Variants in RBFOX1 observed in about 807,000 individuals in gnomAD.
RBFOX1 encodes RNA binding protein fox-1 homolog 1.
RBFOX1 carries 8 observed loss-of-function variants against 57.7 expected under a neutral mutation model. The observed-to-expected ratio is 0.14, with a 90% CI of 0.08 to 0.25. The LOEUF (loss-of-function observed/expected upper bound fraction) is 0.25. RBFOX1 is among the 10% of genes least tolerant of loss of function. The probability of loss-of-function intolerance (pLI) is 1.00; values close to 1 mark genes in which losing one functional copy is unlikely to be tolerated. For missense variants in RBFOX1, 611 were observed against 548.5 expected, an observed-to-expected ratio of 1.11 and a Z score of -1.14; for synonymous variants, 326 against 222.4, an observed-to-expected ratio of 1.47 and a Z score of -4.15.
Position 6,652,907 on chromosome 16 carries a change from T to C in RBFOX1, c.-63-1696T>C, listed in dbSNP as rs368010524. 1.8e-4 allele frequency among the ~76,000 whole-genome samples: 28 copies of C among 152,344 alleles called. No individual in the cohort carries two copies. In the Middle Eastern group the frequency reaches 0.01, roughly 56 times the overall value. On this transcript the variant is annotated intron_variant, in intron 2 of 15. Transcript: ENST00000550418. ...TACCATGGTAAAATTGTTAATGATA[T>C]TGTATTTTATCACAATAAGGTAATA...
At chr16:5,522,419 A>G (rs1251580004) in intron 2 of RBFOX1, among the ~76,000 whole-genome samples, 1 of 152,236 alleles carries the variant, frequency 6.6e-6, no homozygotes, top group Non-Finnish European at 1.5e-5. Context: ...TAACTGATAC[A>G]TAGTATTTGC....
chr16:5,453,681 C>G (rs960787345), intron 1 of RBFOX1, among the ~76,000 whole-genome samples: 1 of 152,162 alleles, frequency 6.6e-6, no homozygotes, highest in Non-Finnish European at 1.5e-5. Flanking sequence ...AGCACAGCAC[C>G]TCATCAGGTA....
chr16:6,876,250 C>G (rs2061826292), intron 3 of RBFOX1, among the ~76,000 whole-genome samples: 1 of 152,048 alleles, frequency 6.6e-6, no homozygotes, highest in African/African-American at 2.4e-5. Flanking sequence ...TTCCTGACAT[C>G]CAGTCTTTCT....
At chr16:5,444,206 T>C (rs1224938351) in intron 1 of RBFOX1, among the ~76,000 whole-genome samples, 1 of 152,226 alleles carries the variant, frequency 6.6e-6, no homozygotes, top group Admixed American at 6.5e-5. Flanking sequence ...ATGCTTTTAG[T>C]TGGCAGCAGA....
At chr16:7,662,294 T>C (rs1472636368) in intron 12 of RBFOX1, among the ~76,000 whole-genome samples, 1 of 152,240 alleles carries the variant, frequency 6.6e-6, no homozygotes, top group Non-Finnish European at 1.5e-5. Flanking sequence ...GTCTAGTCTC[T>C]TGCCCTGGTC....
intron 1 of RBFOX1, among the ~76,000 whole-genome samples, chr16:5,319,156 A>C (rs1454091475): frequency 6.6e-6 from 1 of 151,964 alleles, no homozygotes; most frequent in East Asian, 1.9e-4. Flanking sequence ...CAAACAAAAA[A>C]ACATAAAAAA....
chr16:7,102,485 A>C (rs955396914), intron 4 of RBFOX1, among the ~76,000 whole-genome samples: 1 of 152,208 alleles, frequency 6.6e-6, no homozygotes, highest in Non-Finnish European at 1.5e-5. Context: ...CATGAGATTT[A>C]ATAGAGACCA....
chr16:7,539,725 T>C (rs1313898054), intron 5 of RBFOX1, among the ~76,000 whole-genome samples: 1 of 152,168 alleles, frequency 6.6e-6, no homozygotes, highest in Non-Finnish European at 1.5e-5. Flanking sequence ...GGCGACCAAG[T>C]GCATGATAGC....
intron 4 of RBFOX1, among the ~76,000 whole-genome samples, chr16:7,314,881 A>C (rs7189934): frequency 6.6e-5 from 10 of 152,220 alleles, no homozygotes; most frequent in Admixed American, 4.6e-4. Context: ...AAAAGAATGC[A>C]GCTTCGTTTT....
intron 2 of RBFOX1, among the ~76,000 whole-genome samples, chr16:5,515,767 C>G (rs556173780): frequency 6.6e-6 from 1 of 152,276 alleles, no homozygotes; most frequent in Admixed American, 6.5e-5. Flanking sequence ...AGACTTGCTG[C>G]CTCTTGAAAA....
intron 14 of RBFOX1, among the ~76,000 whole-genome samples, chr16:7,679,525 CTT>C (rs1290157140): frequency 2.6e-5 from 4 of 152,192 alleles, no homozygotes; most frequent in Admixed American, 1.3e-4. Context: ...CAGCAACAAA[CTT>C]TCCCTGTAAT....
At chr16:6,217,104 C>T (rs181752061) in intron 1 of RBFOX1, among the ~76,000 whole-genome samples, 4 of 151,542 alleles carry the variant, frequency 2.6e-5, no homozygotes, top group East Asian at 3.9e-4. Context: ...TGGCTAAAAA[C>T]GTCTCTTTGC....
chr16:5,943,695 G>A (rs940869287), intron 4 of RBFOX1, among the ~76,000 whole-genome samples: 3 of 152,198 alleles, frequency 2.0e-5, no homozygotes, highest in Non-Finnish European at 4.4e-5. Flanking sequence ...GAAGGAGGTT[G>A]ATCTGAAGAG....
At chr16:5,301,909 G>C (rs61632766) in intron 1 of RBFOX1, among the ~76,000 whole-genome samples, 93,096 of 151,926 alleles carry the variant, frequency 0.61, 29,586 homozygotes, top group South Asian at 0.73. Context: ...ACCAGCTTTT[G>C]TTGATTTTCC....
At chr16:7,435,300 C>G (rs894068797) in intron 4 of RBFOX1, among the ~76,000 whole-genome samples, 3 of 151,936 alleles carry the variant, frequency 2.0e-5, no homozygotes, top group African/African-American at 4.8e-5. Flanking sequence ...AGGAGTTTGT[C>G]TGATGGTGAG....
intron 4 of RBFOX1, among the ~76,000 whole-genome samples, chr16:7,260,501 T>G (rs2094876077): frequency 6.6e-6 from 1 of 152,178 alleles, no homozygotes; most frequent in African/African-American, 2.4e-5. Context: ...TGATGTACTC[T>G]TTCCCCGTTA....
intron 1 of RBFOX1, among the ~76,000 whole-genome samples, chr16:6,054,168 T>C (rs2095586294): frequency 6.6e-6 from 1 of 152,216 alleles, no homozygotes; most frequent in African/African-American, 2.4e-5. Flanking sequence ...TATAGTATCT[T>C]TCCTAATAGG....
At chr16:7,565,173 G>C (rs2091370369) in intron 5 of RBFOX1, among the ~76,000 whole-genome samples, 1 of 152,070 alleles carries the variant, frequency 6.6e-6, no homozygotes, top group South Asian at 2.1e-4. Context: ...ACTTTTAATG[G>C]AAAATAACTT....
chr16:7,128,427 G>A (rs947944725), intron 4 of RBFOX1, among the ~76,000 whole-genome samples: 2 of 152,164 alleles, frequency 1.3e-5, no homozygotes, highest in African/African-American at 4.8e-5. Flanking sequence ...TGATAAATTG[G>A]CAAACCAAGA....
Sources: allele counts gnomAD v4.1 joint callset (sites outside exome capture counted in the v4.1 genomes callset), GRCh38; gene constraint gnomAD v4.1.1; transcripts MANE v1.5; gene names NCBI Gene and HGNC (gene_info 2026-07-23, HGNC 2026-07-21).